Variants in TLN2 observed in about 807,000 individuals in gnomAD.
TLN2 encodes talin 2, also known as talin-2.
A neutral mutation model predicts 294.7 loss-of-function variants in TLN2; 118 were observed. The ratio of observed to expected loss-of-function variants is 0.40; its 90% CI spans 0.34 to 0.47. The LOEUF (loss-of-function observed/expected upper bound fraction) is 0.47. Ranked by LOEUF, TLN2 falls within the 20% of genes least tolerant of loss-of-function variation. The pLI is 0.84. For missense variants in TLN2, 3,083 were observed against 3,282.2 expected (o/e 0.94, Z 1.48); for synonymous variants, 1,431 against 1,304.5 (o/e 1.10, Z -2.09).
chr15:62,660,494 A>T (rs773933120), intron 9 of TLN2, among the ~76,000 whole-genome samples: 1 of 152,222 alleles, frequency 6.6e-6, no homozygotes, highest in African/African-American at 2.4e-5. Flanking sequence ...ATTGAGTCTG[A>T]TGTGCTTTAT....
At chr15:62,556,011 A>G (rs2042584728) in intron 1 of TLN2, among the ~76,000 whole-genome samples, 1 of 147,418 alleles carries the variant, frequency 6.8e-6, no homozygotes, top group Non-Finnish European at 1.5e-5. Context: ...CTGAGTTGAG[A>G]TGCTCGTTGA....
intron 1 of TLN2, among the ~76,000 whole-genome samples, chr15:62,454,316 A>C (rs1350600342): frequency 6.6e-6 from 1 of 151,890 alleles, no homozygotes; most frequent in African/African-American, 2.4e-5. Context: ...GCACTTCGGG[A>C]CCCCAAGAAT....
intron 51 of TLN2, among the ~76,000 whole-genome samples, chr15:62,809,609 G>A (rs1488664342): frequency 6.6e-6 from 1 of 152,194 alleles, no homozygotes; most frequent in Non-Finnish European, 1.5e-5. Flanking sequence ...TTGCCTGGAT[G>A]TTTTTGTGCA....
At chr15:62,700,422 T>G (rs886385461) in intron 16 of TLN2, among the ~76,000 whole-genome samples, 7 of 152,128 alleles carry the variant, frequency 4.6e-5, no homozygotes, top group African/African-American at 1.7e-4. Flanking sequence ...CAAATAAACG[T>G]AAAGTATAAG....
rs113781105 is a variant in TLN2 at position 62,673,783 on chromosome 15, G to A, written c.789-44G>A. ...ATGTCTTTGCTTTGCTTCTCATCAT[G>A]GAACATGATAAATGCCTTTCCTTTT... On this transcript the variant is annotated intron_variant, in intron 9 of 58. Transcript: ENST00000636159. The A allele has an allele frequency of 4.1e-4, 620 of 1,504,006 alleles. 1 individual carries two copies. In the East Asian group the frequency reaches 5.1e-3, roughly 12 times the overall value. 93.2% of individuals were successfully genotyped at this position (1,504,006 alleles called of 1,614,324 possible).
At chr15:62,597,559 G>T (rs1338500447) in intron 2 of TLN2, among the ~76,000 whole-genome samples, 1 of 152,142 alleles carries the variant, frequency 6.6e-6, no homozygotes, top group African/African-American at 2.4e-5. Context: ...CTCACAGCCC[G>T]CCCTCCTTGG....
chr15:62,473,692 A>T (rs931742803), intron 1 of TLN2, among the ~76,000 whole-genome samples: 1 of 152,254 alleles, frequency 6.6e-6, no homozygotes, highest in African/African-American at 2.4e-5. Context: ...CTCAAAGGTC[A>T]TACTTCTCTT....
At chr15:62,719,455 A>G (rs1474484129) in intron 24 of TLN2, among the ~76,000 whole-genome samples, 5 of 152,182 alleles carry the variant, frequency 3.3e-5, no homozygotes, top group Admixed American at 6.5e-5. Flanking sequence ...TGCAGTGCCA[A>G]TGAGCCAGAT....
intron 1 of TLN2, among the ~76,000 whole-genome samples, chr15:62,540,121 C>T (rs1255684743): frequency 2.0e-5 from 3 of 152,062 alleles, no homozygotes; most frequent in African/African-American, 7.2e-5. Flanking sequence ...GGGTGGATCA[C>T]CTGAGGTCAG....
chr15:62,516,611 G>A (rs1268255888), intron 1 of TLN2, among the ~76,000 whole-genome samples: 2 of 152,170 alleles, frequency 1.3e-5, no homozygotes, highest in Non-Finnish European at 1.5e-5. Context: ...TTGCAGCCTT[G>A]ATCCGCCTCT....
Position 62,697,866 on chromosome 15 carries a change from C to T in TLN2, c.1471C>T (p.Leu491=). The T allele has an allele frequency of 6.2e-7, 1 of 1,611,750 alleles. No homozygotes were observed. The highest frequency in any genetic ancestry group is 8.5e-7 in the Non-Finnish European group (1 of 1,179,584). ...GATGCACCGAGGCCACATGCCGCCA[C>T]TGGTGAGGCTTCCTGTGCTCGTCCC... is the stretch of plus-strand genomic sequence containing the variant. ...GQMHRGHMPP[L]TSAQQALMGT... Residue 491 remains leucine, a splice_region_variant and synonymous_variant, in exon 15 of 59, where the codon CTG becomes TTG. Transcript: ENST00000636159.
At chr15:62,401,939 A>G (rs1251227519) in intron 1 of TLN2, among the ~76,000 whole-genome samples, 1 of 152,152 alleles carries the variant, frequency 6.6e-6, no homozygotes, top group African/African-American at 2.4e-5. Flanking sequence ...AAGAGATGCT[A>G]TTGACATTCT....
intron 1 of TLN2, among the ~76,000 whole-genome samples, chr15:62,509,244 G>A (rs1019978029): frequency 9.9e-5 from 15 of 151,554 alleles, no homozygotes; most frequent in African/African-American, 3.2e-4. Context: ...TCATAAAAAT[G>A]GATTGGCTTA....
At chr15:62,445,382 T>G (rs2035763556) in intron 1 of TLN2, among the ~76,000 whole-genome samples, 1 of 152,188 alleles carries the variant, frequency 6.6e-6, no homozygotes, top group African/African-American at 2.4e-5. Context: ...CTCATGATAC[T>G]TTTATGCTGG....
At chr15:62,655,412 C>A (rs1441610325) in intron 7 of TLN2, among the ~76,000 whole-genome samples, 1 of 152,136 alleles carries the variant, frequency 6.6e-6, no homozygotes, top group East Asian at 1.9e-4. Context: ...GCCAGCCCCC[C>A]TTTAGTGTTG....
intron 15 of TLN2, 95 bp downstream of exon 15, chr15:62,697,963 G>T (rs532598224): frequency 7.0e-7 from 1 of 1,433,880 alleles, no homozygotes; most frequent in South Asian, 1.3e-5. Flanking sequence ...GTGTTGGAAC[G>T]CTCTCTATTT....
chr15:62,831,487 T>C (rs983145197), intron 54 of TLN2: 1 of 151,716 alleles, frequency 6.6e-6, no homozygotes. Flanking sequence ...ATATATTTAA[T>C]ATATATAAAT....
At chr15:62,530,621 C>T (rs931091381) in intron 1 of TLN2, among the ~76,000 whole-genome samples, 1 of 151,886 alleles carries the variant, frequency 6.6e-6, no homozygotes. Flanking sequence ...TCCCAAAGTG[C>T]TGGGATTACA....
intron 52 of TLN2, among the ~76,000 whole-genome samples, chr15:62,819,111 C>T (rs2067347834): frequency 6.6e-6 from 1 of 152,008 alleles, no homozygotes; most frequent in African/African-American, 2.4e-5. Context: ...CCTCCCACCT[C>T]GGCCTCCCAA....
Sources: gnomAD v4.1 joint callset for allele counts (sites outside exome capture counted in the v4.1 genomes callset) on GRCh38, gnomAD v4.1.1 for gene constraint, MANE v1.5 for transcripts, NCBI Gene and HGNC (gene_info 2026-07-23, HGNC 2026-07-21) for gene names.